KRT80: variants seen among roughly 807,000 people sequenced by gnomAD.
KRT80 encodes the protein keratin, type II cytoskeletal 80.
A neutral mutation model predicts 51.5 loss-of-function variants in KRT80; 36 were observed. The observed-to-expected ratio is 0.70, with a 90% CI of 0.54 to 0.92. The LOEUF (loss-of-function observed/expected upper bound fraction) is 0.92. KRT80 is among the 40% of genes least tolerant of loss of function. KRT80 has a pLI of 0.00. For synonymous variants in KRT80, 235 were observed against 248.3 expected, an observed-to-expected ratio of 0.95 and a Z score of 0.50; for missense variants, 566 against 591.7, an observed-to-expected ratio of 0.96 and a Z score of 0.45.
intron 3 of KRT80, 127 bp from the exon 4 acceptor site, chr12:52,180,735 G>A (rs753600773): frequency 1.3e-5 from 20 of 1,595,400 alleles, no homozygotes; most frequent in African/African-American, 2.7e-5. Context: ...TCAGAGCCTC[G>A]AAAAAGGAGC....
At chr12:52,173,854 C>T (rs1422865334) in intron 4 of KRT80, 90 bp from the exon 5 acceptor site, 11 of 1,334,792 alleles carry the variant, frequency 8.2e-6, no homozygotes, top group African/African-American at 5.8e-5. Context: ...CCGGGGTGAG[C>T]GGAGAGTGGA....
At position 52,172,730 on chromosome 12, in the gene KRT80, C is replaced by T. The variant is rs554013071; in HGVS notation, c.957+308G>A. On this transcript the variant is annotated intron_variant, in intron 6 of 8. Transcript: ENST00000394815. Reference sequence around the variant, plus strand: ...GCTGGGACTTAGGCCTCTACTCCCTCCTCTCTGTGTAGTTGGTGGGGGTTC... The same window carrying T: ...GCTGGGACTTAGGCCTCTACTCCCTTCTCTCTGTGTAGTTGGTGGGGGTTC... Among the ~76,000 whole-genome samples, 3 of 152,182 alleles carry T rather than the reference C, an allele frequency of 2.0e-5. No homozygotes were observed. In the South Asian group the frequency reaches 6.2e-4, roughly 32 times the overall value.
chr12:52,175,097 C>T (rs532304859), intron 4 of KRT80, among the ~76,000 whole-genome samples: 2 of 152,328 alleles, frequency 1.3e-5, no homozygotes, highest in South Asian at 4.1e-4. Flanking sequence ...TCTGCATTCC[C>T]ATTTTGCTGA....
intron 2 of KRT80, among the ~76,000 whole-genome samples, chr12:52,184,009 G>A (rs11170033): frequency 0.27 from 38,233 of 139,664 alleles, 5,261 homozygotes; most frequent in Middle Eastern, 0.34. Flanking sequence ...GGGTCTCTCC[G>A]GAGGGGCGGT....
At chr12:52,188,793 C>T (rs983153611) in intron 1 of KRT80, among the ~76,000 whole-genome samples, 1 of 152,220 alleles carries the variant, frequency 6.6e-6, no homozygotes, top group Admixed American at 6.5e-5. Context: ...CTCTCCATCC[C>T]CTCTGTTGTC....
intron 5 of KRT80, 70 bp from the exon 6 acceptor site, chr12:52,173,233 CT>C (rs1197801834): frequency 6.8e-7 from 1 of 1,460,332 alleles, no homozygotes; most frequent in Non-Finnish European, 9.1e-7. Flanking sequence ...CCCGCCTCTG[CT>C]TTTTCTTGCA....
chr12:52,173,453 C>CAGGGGGT, intron 5 of KRT80, 147 bp downstream of exon 5: 1 of 735,152 alleles, frequency 1.4e-6, no homozygotes. Flanking sequence ...TCCCCCCGCC[C>CAGGGGGT]GCCCCGTCCC....
rs202141816 is a variant in KRT80 at position 52,191,740 on chromosome 12, T to C, written c.163A>G (p.Ile55Val). The C allele has an allele frequency of 2.7e-4, 431 of 1,613,590 alleles. 2 individuals are homozygous for C. The highest frequency in any genetic ancestry group is 7.6e-4 in the East Asian group (34 of 44,876). ...CCGGGGTTCACAGTCACCTTGGAGA[T>C]AGTGCCAGCCGACCAGCAGCCTGTG... ...SLTGCWSAGT[I>V]SKVTVNPGLL... Residue 55 changes from isoleucine to valine, a missense_variant, in exon 1 of 9, where the codon ATC (isoleucine) becomes GTC (valine). Coordinates refer to ENST00000394815, the MANE Select transcript of KRT80 (RefSeq NM_182507.3).
chr12:52,173,794 G>A (rs1464128149), intron 4 of KRT80, 30 bp from the exon 5 acceptor site: 4 of 1,602,368 alleles, frequency 2.5e-6, no homozygotes, highest in Non-Finnish European at 3.4e-6. Context: ...GGGGCTCAGG[G>A]CTGGTGGGGA....
chr12:52,186,459 A>G (rs908924054), intron 1 of KRT80, among the ~76,000 whole-genome samples: 2 of 152,090 alleles, frequency 1.3e-5, no homozygotes, highest in Admixed American at 6.5e-5. Context: ...GCCTTGCTCT[A>G]CATGCTTGAC....
intron 2 of KRT80, among the ~76,000 whole-genome samples, chr12:52,182,506 T>C (rs776111030): frequency 1.3e-5 from 2 of 152,156 alleles, no homozygotes; most frequent in Non-Finnish European, 2.9e-5. Flanking sequence ...ACGATTATAG[T>C]GATGCTGTGA....
In KRT80 at chr12:52,191,581, G is replaced by A. The variant is rs201003340; in HGVS notation, c.300+22C>T. The A allele has an allele frequency of 1.2e-5, 19 of 1,541,374 alleles. No homozygotes were observed. The East Asian group carries it at 4.3e-4, about 35-fold the overall frequency. ...CCAGGCCTGGCAGCCCTTCATGTTTGGGACCCCCTACTTGTGCTCACCTTG... is the reference window on the plus strand; with the variant it reads ...CCAGGCCTGGCAGCCCTTCATGTTTAGGACCCCCTACTTGTGCTCACCTTG... On this transcript the variant is annotated intron_variant, in intron 1 of 8. Transcript: ENST00000394815.
chr12:52,177,664 T>C (rs989331492), intron 4 of KRT80, among the ~76,000 whole-genome samples: 2 of 141,482 alleles, frequency 1.4e-5, no homozygotes, highest in African/African-American at 2.5e-5. Flanking sequence ...TGTGTGTGTG[T>C]GCATGTGTGT....
chr12:52,185,021 G>A (rs1018823050), intron 2 of KRT80, among the ~76,000 whole-genome samples: 2 of 152,190 alleles, frequency 1.3e-5, no homozygotes, highest in African/African-American at 4.8e-5. Context: ...CATTGCCAGA[G>A]CAACATGTGG....
intron 4 of KRT80, among the ~76,000 whole-genome samples, chr12:52,179,231 C>G (rs1419839203): frequency 6.6e-6 from 1 of 152,200 alleles, no homozygotes; most frequent in Non-Finnish European, 1.5e-5. Context: ...GAGATCCAGC[C>G]CAGTGGAGAC....
chr12:52,181,711 G>T (rs935957478), intron 2 of KRT80, among the ~76,000 whole-genome samples: 1 of 152,118 alleles, frequency 6.6e-6, no homozygotes, highest in Non-Finnish European at 1.5e-5. Context: ...CCCACCTTGG[G>T]TTTGGAACAA....
rs79722229 is a variant in KRT80 at position 52,178,024 on chromosome 12, C to T, written c.666+2489G>A. ...CAGTTCACATTGTATTTCTATCAGA[C>T]GGCACTGACTTAAGACACCCTCTGG... is the stretch of plus-strand genomic sequence containing the variant. On this transcript the variant is annotated intron_variant, in intron 4 of 8. Coordinates refer to ENST00000394815, the MANE Select transcript of KRT80 (RefSeq NM_182507.3). Among the ~76,000 whole-genome samples the T allele has an allele frequency of 3.9e-3, 590 of 152,226 alleles. 3 individuals carry two copies. Among genetic ancestry groups the T allele is most frequent in the African/African-American group, 0.013 (558 of 41,514 alleles).
At position 52,170,382 on chromosome 12, in the gene KRT80, T is replaced by C. The variant is rs893100461; in HGVS notation, c.*1016A>G. The C allele has an allele frequency of 4.6e-5, 7 of 152,422 alleles. No homozygotes were observed. Among genetic ancestry groups the C allele is most frequent in the African/African-American group, 1.7e-4 (7 of 41,434 alleles). The allele number at this position is 152,422 out of a possible 1,614,324, so 9.4% of individuals were successfully genotyped here. A position where few individuals can be genotyped will look rare whatever the true frequency, so the allele number is the denominator to read the frequency against. ...GCCAAGGAGGGGAGGGCCAGGCTAT[T>C]TGGCCCAGTGGAGAGGAGAACAGAG... On this transcript the variant is annotated 3_prime_UTR_variant, in exon 9 of 9. Coordinates refer to ENST00000394815, the MANE Select transcript of KRT80 (RefSeq NM_182507.3).
chr12:52,185,646 C>T (rs1375007233), intron 1 of KRT80, 59 bp from the exon 2 acceptor site: 1 of 1,568,538 alleles, frequency 6.4e-7, no homozygotes, highest in East Asian at 2.3e-5. Flanking sequence ...GGCTGAGGCC[C>T]CGGGCTGACC....
Sources: gnomAD v4.1 joint callset for allele counts (sites outside exome capture counted in the v4.1 genomes callset) on GRCh38, gnomAD v4.1.1 for gene constraint, MANE v1.5 for transcripts, NCBI Gene and HGNC (gene_info 2026-07-23, HGNC 2026-07-21) for gene names.